The following ZC3H12C variants were observed in gnomAD, a reference collection of about 807,000 sequenced individuals.
ZC3H12C encodes zinc finger CCCH-type containing 12C.
Under a neutral mutation model 76.3 loss-of-function variants are expected in ZC3H12C, and 20 were observed. The ratio of observed to expected loss-of-function variants is 0.26; its 90% CI spans 0.18 to 0.38. The LOEUF (loss-of-function observed/expected upper bound fraction) is 0.38. Ranked by LOEUF, ZC3H12C falls within the 10% of genes least tolerant of loss-of-function variation. ZC3H12C has a pLI of 1.00. For synonymous variants in ZC3H12C, 352 were observed against 399.6 expected (o/e 0.88, Z 1.42); for missense variants, 874 against 1,086.5 (o/e 0.80, Z 2.75).
rs1204386736 is a variant in ZC3H12C at position 110,165,684 on chromosome 11, G to A, written c.2599G>A (p.Ala867Thr). ...VMKRNPHMTD[A>T]QQLAAAILVE... ...GAAAAGGAATCCTCACATGACAGACGCCCAGCAGCTCGCCGCAGCCATTTT... is the reference window on the plus strand; with the variant it reads ...GAAAAGGAATCCTCACATGACAGACACCCAGCAGCTCGCCGCAGCCATTTT... Residue 867 changes from alanine (A) to threonine (T), a missense_variant, in exon 6 of 6, where the codon GCC becomes ACC. Physicochemically the swap from Ala to Thr is moderately conservative, Grantham distance 58. Transcript: ENST00000278590. 1.9e-6 allele frequency: 3 copies of A among 1,596,980 alleles called. No homozygotes were observed. Among genetic ancestry groups the A allele is most frequent in the South Asian group, 2.3e-5 (2 of 88,050 alleles).
At chr11:110,141,602 A>G (rs905106594) in intron 2 of ZC3H12C, among the ~76,000 whole-genome samples, 3 of 152,182 alleles carry the variant, frequency 2.0e-5, no homozygotes, top group African/African-American at 7.2e-5. Flanking sequence ...GTCCAAATGT[A>G]TGGTTTAGAC....
At chr11:110,161,448 G>T (rs1483479765) in intron 4 of ZC3H12C, among the ~76,000 whole-genome samples, 1 of 152,174 alleles carries the variant, frequency 6.6e-6, no homozygotes, top group Non-Finnish European at 1.5e-5. Context: ...ATGACATCAA[G>T]CATGTCTCAT....
chr11:110,132,355 T>C (rs1861883681), intron 1 of ZC3H12C, among the ~76,000 whole-genome samples: 1 of 152,316 alleles, frequency 6.6e-6, no homozygotes, highest in Middle Eastern at 3.4e-3. Flanking sequence ...TGAATAGCCA[T>C]TATGTTGTAA....
At chr11:110,110,132 A>G (rs1861401250) in intron 1 of ZC3H12C, among the ~76,000 whole-genome samples, 1 of 152,062 alleles carries the variant, frequency 6.6e-6, no homozygotes, top group South Asian at 2.1e-4. Context: ...GTTTAATGCC[A>G]TCTCATTATT....
chr11:110,093,815 G>T (rs1292271603), intron 1 of ZC3H12C, among the ~76,000 whole-genome samples: 4 of 152,158 alleles, frequency 2.6e-5, no homozygotes, highest in Non-Finnish European at 5.9e-5. Context: ...CGGACACACT[G>T]CGCTGCCCCA....
At chr11:110,133,556 C>T (rs766669622) in intron 1 of ZC3H12C, among the ~76,000 whole-genome samples, 12 of 152,092 alleles carry the variant, frequency 7.9e-5, no homozygotes, top group Non-Finnish European at 1.6e-4. Flanking sequence ...TACATTTATC[C>T]TTAGCATTAA....
In ZC3H12C at chr11:110,163,351, T is replaced by G; in HGVS notation, c.1227T>G (p.Pro409=). ...TTCTGAGGAAGAAACCTATTGTTCC[T>G]GAACACAAAAAGCAGCCTTGTCCAT... ...DNFLRKKPIV[P]EHKKQPCPYG... Residue 409 remains proline (P), a synonymous_variant, in exon 5 of 6, where the codon CCT becomes CCG. Coordinates refer to ENST00000278590, the MANE Select transcript of ZC3H12C (RefSeq NM_033390.2). The G allele has an allele frequency of 6.2e-7, 1 of 1,612,636 alleles. No individual in the cohort carries two copies.
intron 1 of ZC3H12C, among the ~76,000 whole-genome samples, chr11:110,099,584 A>G (rs1861174856): frequency 6.6e-6 from 1 of 151,978 alleles, no homozygotes; most frequent in African/African-American, 2.4e-5. Context: ...TTACCCAATT[A>G]TTTTTTTTAT....
At chr11:110,157,094 G>T (rs1283970864) in intron 3 of ZC3H12C, among the ~76,000 whole-genome samples, 1 of 151,544 alleles carries the variant, frequency 6.6e-6, no homozygotes, top group Non-Finnish European at 1.5e-5. Context: ...CAGAAGAATT[G>T]CTTGAACCTG....
At chr11:110,116,448 G>A (rs920057361) in intron 1 of ZC3H12C, among the ~76,000 whole-genome samples, 8 of 152,054 alleles carry the variant, frequency 5.3e-5, no homozygotes, top group African/African-American at 1.7e-4. Flanking sequence ...GAATAGAGTC[G>A]GGCATTTTAA....
rs897586454 is a variant in ZC3H12C, at chr11:110,168,551, G to C, written c.*2814G>C. 1 of 152,164 alleles carries C rather than the reference G, an allele frequency of 6.6e-6. No individual in the cohort carries two copies. Among genetic ancestry groups the C allele is most frequent in the Non-Finnish European group, 1.5e-5 (1 of 68,004 alleles). The allele number at this position is 152,164 out of a possible 1,614,324, so 9.4% of individuals were successfully genotyped here. ...CCAGAGAGATGTGTTAATAAGTGAA[G>C]TTGCCAGAAATGGTCAACTGATCGG... On this transcript the variant is annotated 3_prime_UTR_variant, in exon 6 of 6. Transcript: ENST00000278590.
rs150445025 is a variant in ZC3H12C at position 110,159,896 on chromosome 11, C to A, written c.1148+406C>A. 4.9e-4 allele frequency among the ~76,000 whole-genome samples: 75 copies of A among 152,352 alleles called. 1 individual carries two copies. The East Asian group carries it at 0.01, about 21-fold the overall frequency. On this transcript the variant is annotated intron_variant, in intron 4 of 5. Coordinates refer to ENST00000278590, the MANE Select transcript of ZC3H12C (RefSeq NM_033390.2). ...CAACAGGGATACGTTCTGAGAAATT[C>A]ATCTTCAGGCGATTTCATTGTGGGT... is the stretch of plus-strand genomic sequence containing the variant.
intron 1 of ZC3H12C, among the ~76,000 whole-genome samples, chr11:110,113,512 C>T (rs1467051160): frequency 6.6e-6 from 1 of 152,174 alleles, no homozygotes; most frequent in East Asian, 1.9e-4. Context: ...ATATAATTGG[C>T]TTCTTTTGCA....
intron 1 of ZC3H12C, among the ~76,000 whole-genome samples, chr11:110,113,964 A>G (rs1565250568): frequency 1.3e-5 from 2 of 152,206 alleles, no homozygotes; most frequent in Admixed American, 6.5e-5. Flanking sequence ...AGAAACCTTC[A>G]GTGTTTCCCA....
chr11:110,113,894 T>C (rs1861478341), intron 1 of ZC3H12C, among the ~76,000 whole-genome samples: 1 of 152,198 alleles, frequency 6.6e-6, no homozygotes, highest in Non-Finnish European at 1.5e-5. Flanking sequence ...TCTTTGAGTT[T>C]CTTGCCTCCC....
intron 1 of ZC3H12C, among the ~76,000 whole-genome samples, chr11:110,135,593 G>A (rs939499650): frequency 1.3e-5 from 2 of 151,046 alleles, no homozygotes; most frequent in African/African-American, 4.9e-5. Flanking sequence ...TCCTAGTAGA[G>A]AAATAACATT....
chr11:110,127,454 TTTG>T (rs924763786), intron 1 of ZC3H12C, among the ~76,000 whole-genome samples: 16 of 152,108 alleles, frequency 1.1e-4, no homozygotes, highest in African/African-American at 1.7e-4. Context: ...TGAATTAGCT[TTTG>T]TTGTTGTTGG....
At chr11:110,118,179 G>A (rs1366055518) in intron 1 of ZC3H12C, among the ~76,000 whole-genome samples, 7 of 150,256 alleles carry the variant, frequency 4.7e-5, no homozygotes, top group African/African-American at 1.7e-4. Flanking sequence ...ATTAATATCA[G>A]AAACAACACA....
chr11:110,112,827 CTGT>C (rs1039705089), intron 1 of ZC3H12C, among the ~76,000 whole-genome samples: 25 of 152,230 alleles, frequency 1.6e-4, no homozygotes, highest in Admixed American at 9.2e-4. Context: ...TGAACCAAGT[CTGT>C]TGTTTTTCCC....
Sources: allele counts gnomAD v4.1 joint callset (sites outside exome capture counted in the v4.1 genomes callset), GRCh38; gene constraint gnomAD v4.1.1; transcripts MANE v1.5; gene names NCBI Gene and HGNC (gene_info 2026-07-23, HGNC 2026-07-21).